Variants in CDKL3 observed in about 807,000 individuals in gnomAD.
CDKL3 encodes the protein cyclin dependent kinase like 3.
CDKL3 carries 65 observed loss-of-function variants against 69.3 expected under a neutral mutation model. That is an observed-to-expected ratio of 0.94 (90% CI 0.77 to 1.15). The LOEUF (loss-of-function observed/expected upper bound fraction) is 1.15, where lower values mean the gene tolerates loss of function less well. CDKL3 is among the 50% of genes most tolerant of loss of function. The pLI is 0.00. For synonymous variants in CDKL3, 202 were observed against 221.6 expected, an observed-to-expected ratio of 0.91 and a Z score of 0.79; for missense variants, 652 against 689.2, an observed-to-expected ratio of 0.95 and a Z score of 0.61.
At chr5:134,325,223 T>A (rs572074780) in intron 4 of CDKL3, among the ~76,000 whole-genome samples, 3 of 151,988 alleles carry the variant, frequency 2.0e-5, no homozygotes. Context: ...GATTCTATAC[T>A]ATGTATATAG....
Position 134,304,541 on chromosome 5 carries a change from A to G in CDKL3, c.1485T>C (p.Asn495=). Residue 495 remains asparagine, a synonymous_variant, in exon 11 of 13, where the codon AAT becomes AAC. Coordinates refer to ENST00000265334, the MANE Select transcript of CDKL3 (RefSeq NM_001113575.2). The part of the protein sequence containing the change: ...IQSQMEKGIF[N]ERTGHSDQMA... ...TTTGGTCACTGTGACCTGTTCGCTC[A>G]TTAAATATACCCTTCTCCATTTGGC... 6.2e-7 allele frequency: 1 copy of G among 1,610,770 alleles called. No individual in the cohort carries two copies. Among genetic ancestry groups the G allele is most frequent in the Non-Finnish European group, 8.5e-7 (1 of 1,178,706 alleles).
rs1178649327 is a variant in CDKL3, at chr5:134,333,602, T to C, written c.540-11699A>G. ...GTTTTTGTCATTGGTTCTGTTTATG[T>C]GATGGATTACGTTTACTGATTTGTG... is the stretch of plus-strand genomic sequence containing the variant. On this transcript the variant is annotated intron_variant, in intron 4 of 12. Transcript: ENST00000265334. Among the ~76,000 whole-genome samples, 3 of 152,232 alleles carry C rather than the reference T, an allele frequency of 2.0e-5. No individual in the cohort carries two copies. In the East Asian group the frequency reaches 5.8e-4, roughly 29 times the overall value.
intron 4 of CDKL3, among the ~76,000 whole-genome samples, chr5:134,347,672 C>T (rs1000981713): frequency 8.1e-6 from 1 of 123,118 alleles, no homozygotes; most frequent in South Asian, 2.5e-4. Context: ...GAGTTCAAGA[C>T]CAAATGGCAA....
rs1011453972 is a variant in CDKL3 at position 134,333,246 on chromosome 5, T to C, written c.540-11343A>G. Among the ~76,000 whole-genome samples, 5 of 152,368 alleles carry C rather than the reference T, an allele frequency of 3.3e-5. No homozygotes were observed. In the South Asian group the frequency reaches 8.3e-4, roughly 25 times the overall value. ...ACGATGGGGTTTTCTAAATATACAATCATGTCATCTGCAAACAGAGACAAT... is the reference window on the plus strand; with the variant it reads ...ACGATGGGGTTTTCTAAATATACAACCATGTCATCTGCAAACAGAGACAAT... On this transcript the variant is annotated intron_variant, in intron 4 of 12. Transcript: ENST00000265334.
chr5:134,371,242 T>C (rs1001022324), upstream of CDKL3: 16 of 356,014 alleles, frequency 4.5e-5, no homozygotes, highest in Non-Finnish European at 8.3e-5. Context: ...GGATAGTGTT[T>C]CTGTTTCGTG....
At chr5:134,347,697 T>TAAAAAAAAA (rs1175296441) in intron 4 of CDKL3, among the ~76,000 whole-genome samples, 41 of 52,800 alleles carry the variant, frequency 7.8e-4, no homozygotes, top group Non-Finnish European at 8.9e-4. Context: ...CCATCTCTGC[T>TAAAAAAAAA]AAAAAAAAAA....
intron 8 of CDKL3, among the ~76,000 whole-genome samples, chr5:134,290,299 G>A (rs1463676462): frequency 1.4e-5 from 2 of 144,674 alleles, no homozygotes; most frequent in Non-Finnish European, 3.0e-5. Context: ...AAGTTGCAGT[G>A]AGCCGAGATT....
chr5:134,337,999 C>A (rs1581094700), intron 4 of CDKL3, among the ~76,000 whole-genome samples: 1 of 152,140 alleles, frequency 6.6e-6, no homozygotes, highest in Admixed American at 6.5e-5. Context: ...GAAGACCCCT[C>A]ATACAAAATA....
At position 134,327,721 on chromosome 5, in the gene CDKL3, C is replaced by G. The variant is rs116058470; in HGVS notation, c.540-5818G>C. Among the ~76,000 whole-genome samples the G allele has an allele frequency of 8.2e-3, 1,253 of 152,240 alleles. 12 individuals are homozygous for G. Among genetic ancestry groups the G allele is most frequent in the Non-Finnish European group, 0.01 (691 of 68,026 alleles). The stretch of plus-strand genomic sequence containing the variant: ...CACAGAAACTACTCCTTCAAAGGAG[C>G]CACAATTTGATTGGAACAGTTTGTA... On this transcript the variant is annotated intron_variant, in intron 4 of 12. Transcript: ENST00000265334.
rs557266028 is a variant in CDKL3 at position 134,342,606 on chromosome 5, A to C, written c.539+7643T>G. ...CAGAGCAAGACTCTGTCTCAAAAAA[A>C]AAAAAGAAAAAGAAAAAGAAAAATT... On this transcript the variant is annotated intron_variant, in intron 4 of 12. Coordinates refer to ENST00000265334, the MANE Select transcript of CDKL3 (RefSeq NM_001113575.2). 2.0e-5 allele frequency among the ~76,000 whole-genome samples: 3 copies of C among 152,174 alleles called. No individual in the cohort carries two copies. In the South Asian group the frequency reaches 6.2e-4, roughly 31 times the overall value.
At chr5:134,326,616 CTCT>C (rs1370605212) in intron 4 of CDKL3, among the ~76,000 whole-genome samples, 1 of 151,486 alleles carries the variant, frequency 6.6e-6, no homozygotes, top group Non-Finnish European at 1.5e-5. Flanking sequence ...CTGACTTACT[CTCT>C]TATTAGTTTA....
At chr5:134,324,242 T>C (rs1773530977) in intron 4 of CDKL3, among the ~76,000 whole-genome samples, 1 of 152,206 alleles carries the variant, frequency 6.6e-6, no homozygotes, top group African/African-American at 2.4e-5. Flanking sequence ...TCATTGCTGG[T>C]AGAAACACAA....
chr5:134,371,235 T>C (rs746428388), upstream of CDKL3: 17 of 338,100 alleles, frequency 5.0e-5, no homozygotes, highest in African/African-American at 6.7e-5. Flanking sequence ...GGAGACGGGA[T>C]AGTGTTTCTG....
intron 3 of CDKL3, among the ~76,000 whole-genome samples, chr5:134,356,650 G>A (rs755370790): frequency 2.0e-5 from 3 of 152,060 alleles, no homozygotes; most frequent in South Asian, 2.1e-4. Flanking sequence ...TGGGTGTGGT[G>A]GTGGGCACCT....
chr5:134,363,933 G>C (rs1229380432), intron 2 of CDKL3, among the ~76,000 whole-genome samples: 1 of 145,062 alleles, frequency 6.9e-6, no homozygotes, highest in Non-Finnish European at 1.5e-5. Flanking sequence ...GCTGCAGCCT[G>C]GGCAACAGGG....
chr5:134,286,100 T>C (rs540703608), downstream of CDKL3, among the ~76,000 whole-genome samples: 1 of 152,088 alleles, frequency 6.6e-6, no homozygotes, highest in South Asian at 2.1e-4. Context: ...CCAGACTGGT[T>C]ATAGAGTGAG....
chr5:134,301,220 A>G (rs1283542250), intron 12 of CDKL3, among the ~76,000 whole-genome samples: 1 of 151,338 alleles, frequency 6.6e-6, no homozygotes, highest in East Asian at 1.9e-4. Flanking sequence ...CTGGTCTTGA[A>G]CTCCTGACTT....
downstream of CDKL3, among the ~76,000 whole-genome samples, chr5:134,283,366 T>C (rs967670381): frequency 6.6e-6 from 1 of 152,194 alleles, no homozygotes; most frequent in Admixed American, 6.5e-5. Flanking sequence ...AAGAGGTTTA[T>C]TGGACTTACA....
chr5:134,365,665 G>A (rs1294631417), intron 2 of CDKL3, among the ~76,000 whole-genome samples: 1 of 152,060 alleles, frequency 6.6e-6, no homozygotes, highest in Non-Finnish European at 1.5e-5. Flanking sequence ...ATCAAGTTTT[G>A]ACTCCTTAGC....
Sources: gnomAD v4.1 joint callset for allele counts (sites outside exome capture counted in the v4.1 genomes callset) on GRCh38, gnomAD v4.1.1 for gene constraint, MANE v1.5 for transcripts, NCBI Gene and HGNC (gene_info 2026-07-23, HGNC 2026-07-21) for gene names.